The following PLIN4 variants were observed in gnomAD, a reference collection of about 807,000 sequenced individuals.
PLIN4 encodes perilipin-4.
Under a neutral mutation model 52.4 loss-of-function variants are expected in PLIN4, and 57 were observed. That is an observed-to-expected ratio of 1.09 (90% CI 0.88 to 1.36). PLIN4 has a LOEUF of 1.36. Among genes scored for constraint, PLIN4 ranks in the 40% most tolerant of loss-of-function variants. The probability of loss-of-function intolerance (pLI) is 0.00; values close to 1 mark genes in which losing one functional copy is unlikely to be tolerated. For synonymous variants in PLIN4, 826 were observed against 785.4 expected (o/e 1.05, Z -0.86); for missense variants, 1,757 against 1,770.3 (o/e 0.99, Z 0.13).
rs1976272515 is a variant in PLIN4 at position 4,510,698 on chromosome 19, G to A, written c.3262C>T (p.Pro1088Ser). The A allele has an allele frequency of 6.6e-7, 1 of 1,523,798 alleles. No individual in the cohort carries two copies. Among genetic ancestry groups the A allele is most frequent in the South Asian group, 1.3e-5 (1 of 76,748 alleles). The allele number at this position is 1,523,798 out of a possible 1,614,324, so 94.4% of individuals were successfully genotyped here. The change falls in exon 5 of 8, where the codon CCG becomes TCG. Residue 1088 changes from proline (P) to serine (S), a missense_variant. Transcript: ENST00000301286. ...EQTALSPQEA[P>S]FSGISTPPDV... ...GGGGGCGTGGAGATGCCAGAGAACG[G>A]GGCCTCTTGGGGGCTCAGGGCAGTC...
Position 4,511,777 on chromosome 19 carries a change from C to T in PLIN4, c.2183G>A (p.Gly728Asp), listed in dbSNP as rs201336186. Residue 728 changes from glycine to aspartate, a missense_variant, in exon 5 of 8, where the codon GGT (glycine) becomes GAT (aspartate). By Grantham distance (94) the Gly-to-Asp change is moderately conservative. Around this residue, in one of 7 missense-constraint regions of PLIN4, gnomAD observed 96 missense variants for 136.5 expected, o/e 0.70. Coordinates refer to ENST00000301286, the MANE Select transcript of PLIN4 (RefSeq NM_001367868.2). ...CCCACTGCAGACGGTGTCCTTGGTA[C>T]CAGTTAGGACAGTCTTGGTGGTGTC... ...SVDTTKTVLT[G>D]TKDTVCSGVT... 6,226 of 1,587,768 alleles carry T rather than the reference C, an allele frequency of 3.9e-3. No homozygotes were observed. The highest frequency in any genetic ancestry group is 4.8e-3 in the Non-Finnish European group (5,600 of 1,164,050).
Position 4,512,631 on chromosome 19 carries a change from G to A in PLIN4, c.1329C>T (p.Ala443=), listed in dbSNP as rs1976441083. Residue 443 remains alanine, a synonymous_variant, in exon 5 of 8, where the codon GCC becomes GCT. Coordinates refer to ENST00000301286, the MANE Select transcript of PLIN4 (RefSeq NM_001367868.2). ...GGATGGTTCCTCTGGCCAAATTCAT[G>A]GCACCAGTCACCCCACTGCAGACGG... The part of the protein sequence containing the change: ...KDTVCSGVTG[A]MNLARGTIQT... 2 of 1,585,494 alleles carry A rather than the reference G, an allele frequency of 1.3e-6. 1 individual carries two copies. The highest frequency in any genetic ancestry group is 3.0e-5 in the African/African-American group (2 of 65,928).
chr19:4,515,576 T>C (rs964978957), intron 4 of PLIN4, among the ~76,000 whole-genome samples: 1 of 152,166 alleles, frequency 6.6e-6, no homozygotes, highest in Non-Finnish European at 1.5e-5. Flanking sequence ...GCCAAGGTGC[T>C]ATTTTAATTC....
Position 4,518,309 on chromosome 19 carries a change from G to A in PLIN4, c.-17-20C>T. The stretch of plus-strand genomic sequence containing the variant: ...GAGAAGCTGGAAGGGGGCAGAGAAG[G>A]TGCGTGAATGGGGGTTCCCTAGCCT... On this transcript the variant is annotated intron_variant, in intron 1 of 7. Coordinates refer to ENST00000301286, the MANE Select transcript of PLIN4 (RefSeq NM_001367868.2). 3 of 1,232,842 alleles carry A rather than the reference G, an allele frequency of 2.4e-6. No homozygotes were observed. Among genetic ancestry groups the A allele is most frequent in the Non-Finnish European group, 3.0e-6 (3 of 988,588 alleles). 76.4% of individuals were successfully genotyped at this position (1,232,842 alleles called of 1,614,324 possible).
At chr19:4,516,528 C>T (rs1976585997) in intron 4 of PLIN4, 89 bp downstream of exon 4, 5 of 1,449,030 alleles carry the variant, frequency 3.5e-6, no homozygotes, top group East Asian at 2.5e-5. Context: ...GAGGGAGCAG[C>T]CCCCCAGATA....
Position 4,513,470 on chromosome 19 carries a change from C to G in PLIN4, c.490G>C (p.Val164Leu). Residue 164 changes from valine to leucine, a missense_variant, in exon 5 of 8, where the codon GTC (valine) becomes CTC (leucine). Physicochemically the swap from Val to Leu is conservative, Grantham distance 32. Around this residue, in one of 7 missense-constraint regions of PLIN4, gnomAD observed 332 missense variants for 310.8 expected, o/e 1.07. Coordinates refer to ENST00000301286, the MANE Select transcript of PLIN4 (RefSeq NM_001367868.2). ...VQGGLDTSKA[V>L]LTGTKDTVST... is the part of the protein sequence containing the mutation. ...ACCGTGTCCTTGGTGCCGGTGAGGA[C>G]AGCCTTCGAGGTGTCCAGACCCCCT... 6.2e-7 allele frequency: 1 copy of G among 1,613,360 alleles called. No homozygotes were observed. Among genetic ancestry groups the G allele is most frequent in the East Asian group, 2.2e-5 (1 of 44,890 alleles).
rs1009374797 is a variant in PLIN4 at position 4,518,306 on chromosome 19, A to C, written c.-17-17T>G. On this transcript the variant is annotated splice_polypyrimidine_tract_variant and intron_variant, in intron 1 of 7. Coordinates refer to ENST00000301286, the MANE Select transcript of PLIN4 (RefSeq NM_001367868.2). ...CGTGAGAAGCTGGAAGGGGGCAGAGAAGGTGCGTGAATGGGGGTTCCCTAG... is the reference window on the plus strand; with the variant it reads ...CGTGAGAAGCTGGAAGGGGGCAGAGCAGGTGCGTGAATGGGGGTTCCCTAG... The C allele has an allele frequency of 8.1e-7, 1 of 1,232,782 alleles. No individual in the cohort carries two copies. The highest frequency in any genetic ancestry group is 1.0e-6 in the Non-Finnish European group (1 of 988,540). 76.4% of individuals were successfully genotyped at this position (1,232,782 alleles called of 1,614,324 possible). A position where few individuals can be genotyped will look rare whatever the true frequency, so the allele number is the denominator to read the frequency against.
rs750431769 is a variant in PLIN4 at position 4,512,287 on chromosome 19, TTGG to T, written c.1670_1672del (p.Thr557del). Reference sequence around the variant, plus strand: ...GTCTTTTGTACCTATGACCACAGACTTGGTGGTGTCCAGGCCCCCCTGGACGGC... The same window carrying T: ...GTCTTTTGTACCTATGACCACAGACTTGGTGTCCAGGCCCCCCTGGACGGC... On this transcript the variant is annotated inframe_deletion, in exon 5 of 8. Transcript: ENST00000301286. 2 of 1,611,776 alleles carry T rather than the reference TTGG, an allele frequency of 1.2e-6. No individual in the cohort carries two copies. Among genetic ancestry groups the T allele is most frequent in the African/African-American group, 1.4e-5 (1 of 73,768 alleles).
At position 4,504,928 on chromosome 19, in the gene PLIN4, G is replaced by T; in HGVS notation, c.3722C>A (p.Ala1241Asp). 1 of 1,605,442 alleles carries T rather than the reference G, an allele frequency of 6.2e-7. No individual in the cohort carries two copies. The highest frequency in any genetic ancestry group is 8.5e-7 in the Non-Finnish European group (1 of 1,176,980). ...GTCCAGACGTGGCTGCCCTTCTGGAGCCTGCTGGGCCTTTTCAATCTGGAG... is the reference window on the plus strand; with the variant it reads ...GTCCAGACGTGGCTGCCCTTCTGGATCCTGCTGGGCCTTTTCAATCTGGAG... ...CFRLIEKAQQAPEGQPRLDQG... is the reference protein window; with the variant it reads ...CFRLIEKAQQDPEGQPRLDQG... Residue 1241 changes from alanine (A) to aspartate (D), a missense_variant, in exon 7 of 8, where the codon GCT becomes GAT. Transcript: ENST00000301286.
At position 4,503,806 on chromosome 19, in the gene PLIN4, C is replaced by G. The variant is rs2145238145; in HGVS notation, c.*653G>C. 6.6e-6 allele frequency: 1 copy of G among 152,386 alleles called. No individual in the cohort carries two copies. The highest frequency in any genetic ancestry group is 1.5e-5 in the Non-Finnish European group (1 of 68,068). The allele number at this position is 152,386 out of a possible 1,614,324, so 9.4% of individuals were successfully genotyped here. Reference sequence around the variant, plus strand: ...AAAGCCCCAGCTGTGGCTGCTGTGGCTCCTGGCAGCTTTGTCCCCACCGTG... The same window carrying G: ...AAAGCCCCAGCTGTGGCTGCTGTGGGTCCTGGCAGCTTTGTCCCCACCGTG... On this transcript the variant is annotated 3_prime_UTR_variant, in exon 8 of 8. Transcript: ENST00000301286.
intron 5 of PLIN4, 120 bp from the exon 6 acceptor site, chr19:4,509,075 C>T (rs1259089206): frequency 4.3e-6 from 4 of 922,924 alleles, no homozygotes; most frequent in Admixed American, 2.9e-5. Flanking sequence ...TCTGGGAGGC[C>T]GAGGCGGGCA....
intron 2 of PLIN4, 100 bp downstream of exon 2, chr19:4,518,122 C>A: frequency 6.7e-6 from 7 of 1,038,252 alleles, no homozygotes; most frequent in Non-Finnish European, 8.7e-6. Context: ...CAGGGAAGCA[C>A]CTCTCCAGAT....
rs770941980 is a variant in PLIN4, at chr19:4,508,847, T to C, written c.3623A>G (p.Glu1208Gly). 1.4e-5 allele frequency: 23 copies of C among 1,610,980 alleles called. No homozygotes were observed. In the Admixed American group the frequency reaches 3.7e-4, roughly 26 times the overall value. Reference sequence around the variant, plus strand: ...GTGCTGCAGGTGGCTCACCGCGTGTTCAAATGCCCGCTGGCGGAAGCTGGG... The same window carrying C: ...GTGCTGCAGGTGGCTCACCGCGTGTCCAAATGCCCGCTGGCGGAAGCTGGG... ...LGPSFRQRAF[E>G]HAVSHLQHGQ... The change falls in exon 6 of 8, where the codon GAA (glutamate) becomes GGA (glycine). Residue 1208 changes from glutamate to glycine, a missense_variant. Coordinates refer to ENST00000301286, the MANE Select transcript of PLIN4 (RefSeq NM_001367868.2).
intron 6 of PLIN4, among the ~76,000 whole-genome samples, chr19:4,508,298 C>A (rs547335855): frequency 6.6e-6 from 1 of 152,300 alleles, no homozygotes; most frequent in African/African-American, 2.4e-5. Context: ...GCTCTGTCGC[C>A]CAGGCTGGAG....
intron 5 of PLIN4, among the ~76,000 whole-genome samples, chr19:4,509,887 G>A (rs1024620558): frequency 4.0e-5 from 6 of 151,596 alleles, no homozygotes; most frequent in Non-Finnish European, 8.8e-5. Context: ...GCACTCCAGT[G>A]TGGGTGACAG....
Position 4,512,145 on chromosome 19 carries a change from G to A in PLIN4, c.1815C>T (p.Leu605=), listed in dbSNP as rs747561716. 5.9e-5 allele frequency: 95 copies of A among 1,604,196 alleles called. 1 individual carries two copies. Among genetic ancestry groups the A allele is most frequent in the East Asian group, 3.8e-4 (17 of 44,566 alleles). The change falls in exon 5 of 8, where the codon CTC becomes CTT. Residue 605 remains leucine (L), a synonymous_variant. Coordinates refer to ENST00000301286, the MANE Select transcript of PLIN4 (RefSeq NM_001367868.2). ...CTTTGGCGACATTCACTGCCCCCAC[G>A]AGCCCAGTAGTCACTGTGTCCTTGG... ...TGTKDTVTTG[L]VGAVNVAKGT... is the part of the protein sequence containing the mutation.
chr19:4,511,001 T>C lies in PLIN4; in HGVS notation c.2959A>G (p.Lys987Glu), dbSNP rs1976291850. 1 of 1,612,780 alleles carries C rather than the reference T, an allele frequency of 6.2e-7. No homozygotes were observed. Among genetic ancestry groups the C allele is most frequent in the South Asian group, 1.1e-5 (1 of 91,056 alleles). ...TCCTTGGTACCCATAAGCACAGCCT[T>C]GGAGGCGTCCACGCCGGTCTGCACG... Reference protein sequence around the residue: ...GTVQTGVDASKAVLMGTKDTV... With the variant: ...GTVQTGVDASEAVLMGTKDTV... The change falls in exon 5 of 8, where the codon AAG (lysine) becomes GAG (glutamate). Residue 987 changes from lysine (K) to glutamate (E), a missense_variant. Physicochemically the swap from Lys to Glu is moderately conservative, Grantham distance 56. Around this residue, in one of 7 missense-constraint regions of PLIN4, gnomAD observed 712 missense variants for 637.1 expected, o/e 1.12. Transcript: ENST00000301286.
Position 4,504,542 on chromosome 19 carries a change from C to T in PLIN4, c.4033G>A (p.Glu1345Lys). 6.2e-7 allele frequency: 1 copy of T among 1,606,490 alleles called. No individual in the cohort carries two copies. Among genetic ancestry groups the T allele is most frequent in the Non-Finnish European group, 8.5e-7 (1 of 1,178,258 alleles). ...EGVHQAWQGL[E>K]QLLEGLQHNP... The stretch of plus-strand genomic sequence containing the variant: ...TGCTGTAGGCCCTCCAGCAGCTGCT[C>T]TAACCCCTGCCAAGCCTGGTGCACA... The change falls in exon 8 of 8, where the codon GAG becomes AAG. Residue 1345 changes from glutamate (E) to lysine (K), a missense_variant. By Grantham distance (56) the Glu-to-Lys change is moderately conservative. Transcript: ENST00000301286.
chr19:4,511,390 A>T lies in PLIN4; in HGVS notation c.2570T>A (p.Ile857Asn). 1.3e-6 allele frequency: 2 copies of T among 1,578,204 alleles called. No homozygotes were observed. The highest frequency in any genetic ancestry group is 1.7e-6 in the Non-Finnish European group (2 of 1,162,546). Residue 857 changes from isoleucine (I) to asparagine (N), a missense_variant, in exon 5 of 8, where the codon ATC becomes AAC. Ile to Asn is a moderately radical substitution (Grantham distance 149, BLOSUM62 -3). Coordinates refer to ENST00000301286, the MANE Select transcript of PLIN4 (RefSeq NM_001367868.2). ...AAGGGTGTTCTTTGTACCTGTTGCGATATTTTGGGTCGTTTTCAGCCCAGT... is the reference window on the plus strand; with the variant it reads ...AAGGGTGTTCTTTGTACCTGTTGCGTTATTTTGGGTCGTTTTCAGCCCAGT... ...VQTGLKTTQN[I>N]ATGTKNTLGS...
Sources: allele counts gnomAD v4.1 joint callset (sites outside exome capture counted in the v4.1 genomes callset), GRCh38; gene constraint gnomAD v4.1.1; regional missense constraint gnomAD v4.1.1; transcripts MANE v1.5; gene names NCBI Gene and HGNC (gene_info 2026-07-23, HGNC 2026-07-21).